STAT5B: variants seen among roughly 807,000 people sequenced by gnomAD.
The protein encoded by STAT5B is signal transducer and activator of transcription 5B.
A neutral mutation model predicts 107.8 loss-of-function variants in STAT5B; 21 were observed. The ratio of observed to expected loss-of-function variants is 0.19; its 90% confidence interval spans 0.14 to 0.28. The LOEUF is 0.28. STAT5B is among the 10% of genes least tolerant of loss of function. The probability of loss-of-function intolerance (pLI) is 1.00; values close to 1 mark genes in which losing one functional copy is unlikely to be tolerated. For missense variants in STAT5B, 565 were observed against 1,008.2 expected, an observed-to-expected ratio of 0.56 and a Z score of 5.95; for synonymous variants, 325 against 401.7, an observed-to-expected ratio of 0.81 and a Z score of 2.28.
intron 1 of STAT5B, among the ~76,000 whole-genome samples, chr17:42,273,784 G>T (rs1463992025): frequency 6.6e-6 from 1 of 152,018 alleles, no homozygotes; most frequent in Admixed American, 6.5e-5. Flanking sequence ...ACAACAAATG[G>T]ATTCATAATA....
intron 1 of STAT5B, among the ~76,000 whole-genome samples, chr17:42,248,814 C>T (rs1040514661): frequency 1.3e-5 from 2 of 152,352 alleles, no homozygotes; most frequent in Admixed American, 6.5e-5. Context: ...ACAGACCAAA[C>T]AGAAAGCAGC....
rs187014209 is a variant in STAT5B, at chr17:42,263,712, A to C, written c.-11+12536T>G. On this transcript the variant is annotated intron_variant, in intron 1 of 18. Transcript: ENST00000293328. Reference sequence around the variant, plus strand: ...CAGCTAATTTTTTAATTTTTTGTAGAGATAGGGTCTTGCTATGTTGCCCAG... The same window carrying C: ...CAGCTAATTTTTTAATTTTTTGTAGCGATAGGGTCTTGCTATGTTGCCCAG... Among the ~76,000 whole-genome samples the C allele has an allele frequency of 3.9e-5, 6 of 152,154 alleles. No individual in the cohort carries two copies. The East Asian group carries it at 1.2e-3, about 29-fold the overall frequency.
chr17:42,236,930 T>G (rs1334443177), intron 1 of STAT5B, among the ~76,000 whole-genome samples: 1 of 152,160 alleles, frequency 6.6e-6, no homozygotes, highest in Non-Finnish European at 1.5e-5. Flanking sequence ...CTTCTGCTTA[T>G]TTACGGGCAG....
chr17:42,214,013 T>C (rs1327965660), intron 12 of STAT5B, among the ~76,000 whole-genome samples: 1 of 151,452 alleles, frequency 6.6e-6, no homozygotes, highest in Non-Finnish European at 1.5e-5. Flanking sequence ...CGTGGTGGCA[T>C]GCACCTGTAA....
intron 1 of STAT5B, among the ~76,000 whole-genome samples, chr17:42,267,447 G>A (rs568868098): frequency 1.3e-5 from 2 of 152,278 alleles, no homozygotes; most frequent in African/African-American, 4.8e-5. Context: ...CTGACCCTGT[G>A]TAGGCCTAGA....
intron 16 of STAT5B, chr17:42,203,032 T>C (rs1232795080): frequency 1.0e-5 from 6 of 587,472 alleles, no homozygotes; most frequent in Non-Finnish European, 9.3e-6. Context: ...AGCCTCCGCC[T>C]CCCAGGTTCA....
At chr17:42,218,937 C>A (rs1049990991) in intron 7 of STAT5B, 59 bp from the exon 8 acceptor site, 159 of 1,613,330 alleles carry the variant, frequency 9.9e-5, no homozygotes, top group Middle Eastern at 9.0e-4. Flanking sequence ...AGACGCCAGG[C>A]CCCAAGACAC....
intron 9 of STAT5B, chr17:42,217,689 C>CTTT: frequency 8.7e-5 from 38 of 438,610 alleles, no homozygotes; most frequent in East Asian, 1.4e-4. Context: ...CCTAAGAGAA[C>CTTT]TTTTTTTTTT....
chr17:42,212,296 G>C, intron 12 of STAT5B, 106 bp from the exon 13 acceptor site: 1 of 1,555,432 alleles, frequency 6.4e-7, no homozygotes, highest in Non-Finnish European at 8.8e-7. Context: ...ACACACATTT[G>C]TCTTGCAGGG....
intron 1 of STAT5B, among the ~76,000 whole-genome samples, chr17:42,264,778 G>A (rs1347099984): frequency 6.5e-5 from 9 of 138,644 alleles, no homozygotes; most frequent in African/African-American, 1.6e-4. Context: ...CTGAGGAATC[G>A]CCACACTGAC....
intron 2 of STAT5B, among the ~76,000 whole-genome samples, chr17:42,231,369 TCTCA>T (rs1257339758): frequency 6.6e-6 from 1 of 152,120 alleles, no homozygotes; most frequent in Non-Finnish European, 1.5e-5. Context: ...TGAGACAGGG[TCTCA>T]CTCTGTTGCT....
chr17:42,235,437 C>T (rs897976627), intron 1 of STAT5B: 7 of 151,934 alleles, frequency 4.6e-5, no homozygotes, highest in African/African-American at 1.5e-4. Context: ...CAGTATGAAA[C>T]ACCAAGGCAT....
At chr17:42,235,679 T>C (rs897996423) in intron 1 of STAT5B, among the ~76,000 whole-genome samples, 3 of 152,168 alleles carry the variant, frequency 2.0e-5, no homozygotes, top group African/African-American at 7.2e-5. Context: ...GGTTTCACCA[T>C]GTTGGCCAGG....
At chr17:42,215,570 ATTCT>A (rs2080164126) in intron 12 of STAT5B, among the ~76,000 whole-genome samples, 1 of 152,154 alleles carries the variant, frequency 6.6e-6, no homozygotes, top group African/African-American at 2.4e-5. Context: ...CACTTTCCAC[ATTCT>A]TTCTATTCTG....
chr17:42,259,695 G>A (rs1161639463), intron 1 of STAT5B, among the ~76,000 whole-genome samples: 1 of 151,936 alleles, frequency 6.6e-6, no homozygotes, highest in African/African-American at 2.4e-5. Flanking sequence ...GCTGAGGCAG[G>A]AGAATTGCTT....
chr17:42,225,396 A>G (rs536818884), intron 3 of STAT5B, among the ~76,000 whole-genome samples: 48 of 152,298 alleles, frequency 3.2e-4, no homozygotes, highest in African/African-American at 1.1e-3. Flanking sequence ...ATAAGTTTTA[A>G]AAGCCTCGCA....
intron 1 of STAT5B, among the ~76,000 whole-genome samples, chr17:42,273,235 TG>T (rs1300693230): frequency 1.3e-5 from 2 of 152,132 alleles, no homozygotes; most frequent in Non-Finnish European, 2.9e-5. Flanking sequence ...AAAAAACTTC[TG>T]ATTTTAGAAG....
At position 42,247,782 on chromosome 17, in the gene STAT5B, T is replaced by C. The variant is rs180678480; in HGVS notation, c.-10-15645A>G. ...GGGCAACATATCAAGGCTCTGTCTT[T>C]ACAAAGAAAGCAAAACAAAAAGTAG... On this transcript the variant is annotated intron_variant, in intron 1 of 18. Transcript: ENST00000293328. Among the ~76,000 whole-genome samples, 41 of 152,134 alleles carry C rather than the reference T, an allele frequency of 2.7e-4. 1 individual carries two copies. The highest frequency in any genetic ancestry group is 1.0e-4 in the Non-Finnish European group (7 of 67,990).
chr17:42,240,797 T>C (rs1295654844), intron 1 of STAT5B, among the ~76,000 whole-genome samples: 1 of 152,178 alleles, frequency 6.6e-6, no homozygotes, highest in Non-Finnish European at 1.5e-5. Context: ...GGTTTGCCAT[T>C]TTCTATGTAC....
Sources: gnomAD v4.1 joint callset for allele counts (sites outside exome capture counted in the v4.1 genomes callset) on GRCh38, gnomAD v4.1.1 for gene constraint, MANE v1.5 for transcripts, NCBI Gene and HGNC (gene_info 2026-07-23, HGNC 2026-07-21) for gene names.